The following NBPF12 variants were observed in gnomAD, a reference collection of about 807,000 sequenced individuals.
NBPF12 encodes NBPF member 12, also known as NBPF family member NBPF12.
Under a neutral mutation model 146.4 loss-of-function variants are expected in NBPF12, and 115 were observed. The observed-to-expected ratio is 0.79, with a 90% CI of 0.68 to 0.92. The LOEUF (loss-of-function observed/expected upper bound fraction) is 0.92. Among genes scored for constraint, NBPF12 ranks in the 40% least tolerant of loss-of-function variants. The probability of loss-of-function intolerance (pLI) is 0.00; values close to 1 mark genes in which losing one functional copy is unlikely to be tolerated. For synonymous variants in NBPF12, 385 were observed against 508.9 expected, an observed-to-expected ratio of 0.76 and a Z score of 3.28; for missense variants, 1,205 against 1,326.8, an observed-to-expected ratio of 0.91 and a Z score of 1.43.
Position 146,969,240 on chromosome 1 carries a change from CCA to C in NBPF12, c.1092-139_1092-138del, listed in dbSNP as rs1315030418. The C allele has an allele frequency of 3.7e-6, 4 of 1,068,784 alleles. No homozygotes were observed. The African/African-American group carries it at 4.8e-5, about 13-fold the overall frequency. The allele number at this position is 1,068,784 out of a possible 1,614,324, so 66.2% of individuals were successfully genotyped here. ...AACCATTTTCTCTTCTTTCTCTTGGCCACAGTCATTCCTTTCAACATGTGCTG... is the reference window on the plus strand; with the variant it reads ...AACCATTTTCTCTTCTTTCTCTTGGCCAGTCATTCCTTTCAACATGTGCTG... On this transcript the variant is annotated intron_variant, in intron 10 of 33. Transcript: ENST00000617844.
intron 2 of NBPF12, among the ~76,000 whole-genome samples, chr1:146,952,790 C>G (rs1196980491): frequency 6.7e-6 from 1 of 150,278 alleles, no homozygotes; most frequent in Admixed American, 6.7e-5. Context: ...CCCGATGGAG[C>G]CTGGAAGTGA....
upstream of NBPF12, among the ~76,000 whole-genome samples, chr1:146,944,479 C>T (rs2791887): frequency 0.15 from 21,872 of 146,310 alleles, 2,155 homozygotes; most frequent in Middle Eastern, 0.24. Flanking sequence ...CACCTGCAGC[C>T]GGGCAGCTTC....
chr1:146,941,786 A>G, intron 1 of NBPF12, among the ~76,000 whole-genome samples: 1 of 144,538 alleles, frequency 6.9e-6, no homozygotes, highest in Non-Finnish European at 1.5e-5. Context: ...AAAGAAAGAA[A>G]AAAGAAATCA....
chr1:146,950,314 G>C (rs1349775223), intron 1 of NBPF12, among the ~76,000 whole-genome samples: 2 of 151,896 alleles, frequency 1.3e-5, no homozygotes, highest in Non-Finnish European at 2.9e-5. Context: ...GCAGATCCTT[G>C]ACATAATTCC....
intron 1 of NBPF12, among the ~76,000 whole-genome samples, chr1:146,950,680 T>C (rs1655287875): frequency 1.3e-5 from 2 of 152,196 alleles, no homozygotes; most frequent in African/African-American, 4.8e-5. Context: ...CATGTTGTTT[T>C]GTGTGTCAAA....
upstream of NBPF12, among the ~76,000 whole-genome samples, chr1:146,944,908 CTT>C (rs1654956576): frequency 7.8e-6 from 1 of 128,934 alleles, no homozygotes; most frequent in African/African-American, 3.4e-5. Context: ...TTCTTCCTCC[CTT>C]CCTCCCTCCC....
At chr1:146,994,122 G>GTCTCTC (rs1317070119) in intron 33 of NBPF12, among the ~76,000 whole-genome samples, 1 of 118,440 alleles carries the variant, frequency 8.4e-6, no homozygotes, top group Non-Finnish European at 1.6e-5. Flanking sequence ...CTCTGTCTCT[G>GTCTCTC]TCTCTGTCTC....
Position 146,960,280 on chromosome 1 carries a change from A to C in NBPF12, c.137A>C (p.Gln46Pro), listed in dbSNP as rs1341017281. 6.5e-6 allele frequency: 9 copies of C among 1,381,030 alleles called. No homozygotes were observed. In the African/African-American group the frequency reaches 1.0e-4, roughly 15 times the overall value. The allele number at this position is 1,381,030 out of a possible 1,614,324, so 85.5% of individuals were successfully genotyped here. Residue 46 changes from glutamine to proline, a missense_variant, in exon 4 of 34, where the codon CAA (glutamine) becomes CCA (proline). Physicochemically the swap from Gln to Pro is moderately conservative, Grantham distance 76. Transcript: ENST00000617844. ...CTCAAAGAGAGATGTTTTCTAACTC[A>C]ACTGGCCGGCTTCCTGGCCAACCGA...
At chr1:146,964,531 C>A in intron 7 of NBPF12, 102 bp downstream of exon 10, 1 of 1,565,184 alleles carries the variant, frequency 6.4e-7, no homozygotes, top group Non-Finnish European at 8.8e-7. Context: ...AGCCCGCATT[C>A]CCTTGGCCAC....
chr1:146,984,583 G>C (rs1657615788), intron 21 of NBPF12, among the ~76,000 whole-genome samples: 1 of 21,666 alleles, frequency 4.6e-5, no homozygotes, highest in Admixed American at 6.7e-4. Flanking sequence ...CACACTGTGT[G>C]TGTGTGTGTG....
chr1:146,967,148 G>A (rs1656261741), intron 9 of NBPF12, among the ~76,000 whole-genome samples: 2 of 150,466 alleles, frequency 1.3e-5, no homozygotes, highest in Non-Finnish European at 2.9e-5. Flanking sequence ...CGCTCTGAGG[G>A]GCTTCAAGAG....
intron 5 of NBPF12, 43 bp from the exon 9 acceptor site, chr1:146,963,052 C>G (rs1474690667): frequency 6.2e-7 from 1 of 1,610,242 alleles, no homozygotes; most frequent in Non-Finnish European, 8.5e-7. Context: ...ACGGATCACT[C>G]AACGCTTTTC....
intron 10 of NBPF12, among the ~76,000 whole-genome samples, chr1:146,969,012 T>C (rs1656390323): frequency 6.6e-6 from 1 of 151,644 alleles, no homozygotes; most frequent in African/African-American, 2.4e-5. Flanking sequence ...CTCATTTCTG[T>C]ACATGGCTTT....
exon 22 of NBPF12, chr1:146,984,862 T>A (rs1375417905): frequency 1.3e-6 from 2 of 1,560,686 alleles, no homozygotes; most frequent in Non-Finnish European, 1.8e-6. Flanking sequence ...CTTGCAGGAC[T>A]CACTGGATAG....
rs11578954 is a variant in NBPF12 at position 146,994,583 on chromosome 1, T to A, written c.*8T>A. Reference sequence around the variant, plus strand: ...GTCATATTCCCACAATAAGCAGCCCTTACTAAGCCGAGAGGTTTCATTCCT... The same window carrying A: ...GTCATATTCCCACAATAAGCAGCCCATACTAAGCCGAGAGGTTTCATTCCT... On this transcript the variant is annotated 3_prime_UTR_variant, in exon 34 of 34. Transcript: ENST00000617844. 1.5e-5 allele frequency: 24 copies of A among 1,607,228 alleles called. No homozygotes were observed. In the East Asian group the frequency reaches 2.7e-4, roughly 18 times the overall value.
chr1:146,992,091 A>C, intron 31 of NBPF12, 45 bp downstream of exon 34: 1 of 560,300 alleles, frequency 1.8e-6, no homozygotes, highest in Non-Finnish European at 3.1e-6. Flanking sequence ...TGACATCTGG[A>C]GACTCCTGGT....
At chr1:146,949,958 T>G (rs1162587601) in intron 1 of NBPF12, among the ~76,000 whole-genome samples, 2 of 151,970 alleles carry the variant, frequency 1.3e-5, no homozygotes, top group Non-Finnish European at 2.9e-5. Context: ...AGTGATGTGA[T>G]TAGATCCAGT....
chr1:146,992,853 A>T, exon 32 of NBPF12: 1 of 663,432 alleles, frequency 1.5e-6, no homozygotes, highest in East Asian at 2.7e-5. Flanking sequence ...CATTGGAGGA[A>T]AAACATGTTG....
Position 146,971,444 on chromosome 1 carries a change from A to T in NBPF12, c.1591+50A>T, listed in dbSNP as rs1260037112. ...CATACCTCTGTCTAGGCTATGGAAG[A>T]TCAATTCTGAGGACAGGCTGTATAT... On this transcript the variant is annotated intron_variant, in intron 13 of 33. Transcript: ENST00000617844. The T allele has an allele frequency of 1.3e-5, 19 of 1,479,114 alleles. 1 individual carries two copies. Among genetic ancestry groups the T allele is most frequent in the Admixed American group, 6.7e-5 (4 of 59,450 alleles). The allele number at this position is 1,479,114 out of a possible 1,614,324, so 91.6% of individuals were successfully genotyped here.
Sources: allele counts gnomAD v4.1 joint callset (sites outside exome capture counted in the v4.1 genomes callset), GRCh38; gene constraint gnomAD v4.1.1; transcripts MANE v1.5; gene names NCBI Gene and HGNC (gene_info 2026-07-23, HGNC 2026-07-21).